RAB3A: variants seen among roughly 807,000 people sequenced by gnomAD.
RAB3A encodes the protein ras-related protein Rab-3A.
Under a neutral mutation model 19.7 loss-of-function variants are expected in RAB3A, and 5 were observed. The ratio of observed to expected loss-of-function variants is 0.25; its 90% CI spans 0.13 to 0.53. The LOEUF (loss-of-function observed/expected upper bound fraction) is 0.53. RAB3A is among the 20% of genes least tolerant of loss of function. The probability of loss-of-function intolerance (pLI) is 0.95; values close to 1 mark genes in which losing one functional copy is unlikely to be tolerated. For missense variants in RAB3A, 189 were observed against 305.6 expected (o/e 0.62, Z 2.85); for synonymous variants, 119 against 122.1 (o/e 0.97, Z 0.17).
Position 18,197,445 on chromosome 19 carries a change from G to T in RAB3A, c.*25C>A, listed in dbSNP as rs1482122244. The stretch of plus-strand genomic sequence containing the variant: ...GGGGGAAGGTGGGGAAGACAGGGAA[G>T]AGGGGAAAGGGAGTGGGATGGCTCT... On this transcript the variant is annotated 3_prime_UTR_variant, in exon 5 of 5. Transcript: ENST00000222256. The T allele has an allele frequency of 1.3e-6, 2 of 1,593,180 alleles. No homozygotes were observed. Among genetic ancestry groups the T allele is most frequent in the Non-Finnish European group, 1.7e-6 (2 of 1,167,652 alleles).
rs1161078065 is a variant in RAB3A, at chr19:18,197,177, G to T, written c.*293C>A. The T allele has an allele frequency of 3.1e-4, 81 of 258,806 alleles. 1 individual carries two copies. In the East Asian group the frequency reaches 3.6e-3, roughly 12 times the overall value. The allele number at this position is 258,806 out of a possible 1,614,324, so 16.0% of individuals were successfully genotyped here. ...GGGGTGAATTTTAAAAAAAGGCGGG[G>T]GGGGGGGGTTCAGGAGGGTGAGCGG... is the stretch of plus-strand genomic sequence containing the variant. On this transcript the variant is annotated 3_prime_UTR_variant, in exon 5 of 5. Transcript: ENST00000222256.
Position 18,202,832 on chromosome 19 carries a change from A to C in RAB3A, c.1-92T>G. The C allele has an allele frequency of 4.3e-5, 43 of 1,010,686 alleles. No homozygotes were observed. Among genetic ancestry groups the C allele is most frequent in the Admixed American group, 7.4e-5 (4 of 53,836 alleles). The allele number at this position is 1,010,686 out of a possible 1,614,324, so 62.6% of individuals were successfully genotyped here. On this transcript the variant is annotated intron_variant, in intron 1 of 4. Transcript: ENST00000222256. This position sits in a 1 kb window ranked among gnomAD's most constrained non-coding sequence, Gnocchi z 4.2. The stretch of plus-strand genomic sequence containing the variant: ...GCAGAAGATGGCAAGGGCTCCAGAA[A>C]ACGGCCGGTGTATGGAGGACACCCT...
intron 2 of RAB3A, among the ~76,000 whole-genome samples, chr19:18,201,253 A>AC (rs1568652927): frequency 3.7e-5 from 4 of 107,470 alleles, no homozygotes; most frequent in Non-Finnish European, 8.4e-5. Flanking sequence ...TAACAACAAA[A>AC]AAAAAAAAAA....
In RAB3A at chr19:18,202,318, A is replaced by G. The variant is rs549642092; in HGVS notation, c.228+195T>C. ...GAAGAACTTGAAGATGGGGAAACTG[A>G]GGGACCAGGATTAGGTGCTTATGGG... On this transcript the variant is annotated intron_variant, in intron 2 of 4. Coordinates refer to ENST00000222256, the MANE Select transcript of RAB3A (RefSeq NM_002866.5). This position sits in a 1 kb window ranked among gnomAD's most constrained non-coding sequence, Gnocchi z 4.2. 3.6e-6 allele frequency: 2 copies of G among 557,100 alleles called. No homozygotes were observed. The highest frequency in any genetic ancestry group is 6.1e-5 in the East Asian group (2 of 33,056). The allele number at this position is 557,100 out of a possible 1,614,324, so 34.5% of individuals were successfully genotyped here.
rs1967546552 is a variant in RAB3A, at chr19:18,197,489, T to C, written c.644A>G (p.His215Arg). ...TGGCTCTCAGCAGGCGCAGTCCTGG[T>C]GCGGTGGCACCTGCTGGTCACTGAG... Reference protein sequence around the residue: ...PQLSDQQVPPHQDCAC With the variant: ...PQLSDQQVPPRQDCAC Residue 215 changes from histidine (H) to arginine (R), a missense_variant, in exon 5 of 5, where the codon CAC becomes CGC. Physicochemically the swap from His to Arg is conservative, Grantham distance 29. Coordinates refer to ENST00000222256, the MANE Select transcript of RAB3A (RefSeq NM_002866.5). The C allele has an allele frequency of 6.2e-7, 1 of 1,612,506 alleles. No individual in the cohort carries two copies. The highest frequency in any genetic ancestry group is 8.5e-7 in the Non-Finnish European group (1 of 1,179,708).
rs1209600331 is a variant in RAB3A at position 18,197,200 on chromosome 19, C to T, written c.*270G>A. On this transcript the variant is annotated 3_prime_UTR_variant, in exon 5 of 5. Transcript: ENST00000222256. ...GGGGGGGGGGGTTCAGGAGGGTGAG[C>T]GGTGAGTTCACGGGGCCACGAGACA... 1.1e-5 allele frequency: 4 copies of T among 358,600 alleles called. No homozygotes were observed. The highest frequency in any genetic ancestry group is 1.9e-5 in the Non-Finnish European group (4 of 209,590). 22.2% of individuals were successfully genotyped at this position (358,600 alleles called of 1,614,324 possible).
chr19:18,202,561 C>T lies in RAB3A; in HGVS notation c.180G>A (p.Lys60=), dbSNP rs755877504. 1.9e-6 allele frequency: 3 copies of T among 1,614,218 alleles called. No homozygotes were observed. The Admixed American group carries it at 5.0e-5, about 27-fold the overall frequency. The stretch of plus-strand genomic sequence containing the variant: ...TGTCGTTGCGATAGATGGTCTTGAC[C>T]TTGAAGTCGATGCCCACGGTGCTGA... ...AFVSTVGIDF[K]VKTIYRNDKR... Residue 60 remains lysine, a synonymous_variant, in exon 2 of 5, where the codon AAG becomes AAA. Transcript: ENST00000222256. The surrounding 1 kb of genome is among the most constrained non-coding windows in gnomAD (Gnocchi z 4.2).
At position 18,197,051 on chromosome 19, in the gene RAB3A, G is replaced by A. The variant is rs188829878; in HGVS notation, c.*419C>T. ...CCCAACAGCGGCCTCGGCCCACCGCGGCAGAGCCGAGGGGCTGGCAGGCCT... is the reference window on the plus strand; with the variant it reads ...CCCAACAGCGGCCTCGGCCCACCGCAGCAGAGCCGAGGGGCTGGCAGGCCT... On this transcript the variant is annotated 3_prime_UTR_variant, in exon 5 of 5. Transcript: ENST00000222256. 998 of 182,836 alleles carry A rather than the reference G, an allele frequency of 5.5e-3. 11 individuals are homozygous for A. Among genetic ancestry groups the A allele is most frequent in the African/African-American group, 0.023 (968 of 42,250 alleles). 11.3% of individuals were successfully genotyped at this position (182,836 alleles called of 1,614,324 possible). A position where few individuals can be genotyped will look rare whatever the true frequency, so the allele number is the denominator to read the frequency against.
chr19:18,199,991 G>A (rs1426344751), intron 3 of RAB3A, among the ~76,000 whole-genome samples: 3 of 152,160 alleles, frequency 2.0e-5, no homozygotes, highest in Admixed American at 1.3e-4. Context: ...CCCAGAATGA[G>A]TGTGGAAGGC....
intron 3 of RAB3A, 41 bp downstream of exon 3, chr19:18,200,286 G>T: frequency 6.7e-7 from 1 of 1,484,614 alleles, no homozygotes; most frequent in Non-Finnish European, 9.2e-7. Flanking sequence ...CTCTCTCAAA[G>T]AAAAGAAAAG....
chr19:18,201,510 C>G (rs1967611561), intron 2 of RAB3A, among the ~76,000 whole-genome samples: 1 of 152,202 alleles, frequency 6.6e-6, no homozygotes, highest in South Asian at 2.1e-4. Flanking sequence ...CGCTTGAACC[C>G]GGGAGGCAGA....
At position 18,196,809 on chromosome 19, in the gene RAB3A, A is replaced by G; in HGVS notation, c.*661T>C. 6.8e-6 allele frequency: 2 copies of G among 293,248 alleles called. No individual in the cohort carries two copies. The highest frequency in any genetic ancestry group is 1.8e-4 in the East Asian group (2 of 11,308). 18.2% of individuals were successfully genotyped at this position (293,248 alleles called of 1,614,324 possible). ...TCACAGGGACACACATGGATGGTCCATTCGCTTTATTGGGTGCGTGTAGTG... is the reference window on the plus strand; with the variant it reads ...TCACAGGGACACACATGGATGGTCCGTTCGCTTTATTGGGTGCGTGTAGTG... On this transcript the variant is annotated 3_prime_UTR_variant, in exon 5 of 5. Transcript: ENST00000222256.
chr19:18,198,165 G>A (rs1315544036), intron 4 of RAB3A, among the ~76,000 whole-genome samples: 1 of 152,014 alleles, frequency 6.6e-6, no homozygotes, highest in African/African-American at 2.4e-5. Flanking sequence ...AAATCCAGCT[G>A]TGACCTCCCC....
chr19:18,201,569 G>A (rs185552823), intron 2 of RAB3A, among the ~76,000 whole-genome samples: 70 of 152,264 alleles, frequency 4.6e-4, no homozygotes, highest in Admixed American at 1.0e-3. Context: ...CTGGGTGACA[G>A]AGCAAAAACT....
At chr19:18,197,682 ATGAG>A in intron 4 of RAB3A, 22 bp from the exon 5 acceptor site, 1 of 1,591,864 alleles carries the variant, frequency 6.3e-7, no homozygotes, top group Non-Finnish European at 8.6e-7. Context: ...GAAGGCAGGG[ATGAG>A]GACCCTGGCC....
At position 18,197,176 on chromosome 19, in the gene RAB3A, G is replaced by A. The variant is rs970659919; in HGVS notation, c.*294C>T. On this transcript the variant is annotated 3_prime_UTR_variant, in exon 5 of 5. Transcript: ENST00000222256. ...GGGGGTGAATTTTAAAAAAAGGCGG[G>A]GGGGGGGGGTTCAGGAGGGTGAGCG... The A allele has an allele frequency of 1.1e-4, 8 of 74,876 alleles. No individual in the cohort carries two copies. Among genetic ancestry groups the A allele is most frequent in the Admixed American group, 1.9e-4 (1 of 5,254 alleles). The allele number at this position is 74,876 out of a possible 1,614,324, so 4.6% of individuals were successfully genotyped here. A position where few individuals can be genotyped will look rare whatever the true frequency, so the allele number is the denominator to read the frequency against.
chr19:18,203,741 C>T (rs1433127658), intron 1 of RAB3A, among the ~76,000 whole-genome samples, 155 bp downstream of exon 1: 1 of 152,178 alleles, frequency 6.6e-6, no homozygotes, highest in Non-Finnish European at 1.5e-5. Context: ...GAGTGGGGCG[C>T]CCGGGCCCTA....
rs1473165807 is a variant in RAB3A at position 18,197,031 on chromosome 19, C to T, written c.*439G>A. On this transcript the variant is annotated 3_prime_UTR_variant, in exon 5 of 5. Coordinates refer to ENST00000222256, the MANE Select transcript of RAB3A (RefSeq NM_002866.5). ...ATGGTCCACACAGGGAAACCCCCAA[C>T]AGCGGCCTCGGCCCACCGCGGCAGA... The T allele has an allele frequency of 5.7e-6, 1 of 174,298 alleles. No individual in the cohort carries two copies. Among genetic ancestry groups the T allele is most frequent in the Non-Finnish European group, 1.2e-5 (1 of 81,536 alleles). The allele number at this position is 174,298 out of a possible 1,614,324, so 10.8% of individuals were successfully genotyped here.
chr19:18,198,957 G>T, intron 3 of RAB3A, 108 bp from the exon 4 acceptor site: 2 of 1,395,056 alleles, frequency 1.4e-6, no homozygotes, highest in Non-Finnish European at 1.9e-6. Flanking sequence ...AGACCCAGAA[G>T]CTTGCCCCTC....
Sources: gnomAD v4.1 joint callset for allele counts (sites outside exome capture counted in the v4.1 genomes callset) on GRCh38, gnomAD v4.1.1 for gene constraint, Gnocchi (gnomAD v3.1) non-coding constraint, MANE v1.5 for transcripts, NCBI Gene and HGNC (gene_info 2026-07-23, HGNC 2026-07-21) for gene names.